The following MAST4 variants were observed in gnomAD, a reference collection of about 807,000 sequenced individuals.
MAST4 encodes microtubule associated serine/threonine kinase family member 4.
Under a neutral mutation model 162.7 loss-of-function variants are expected in MAST4, and 89 were observed. That is an observed-to-expected ratio of 0.55 (90% confidence interval 0.46 to 0.65). The LOEUF is 0.65. Ranked by LOEUF, MAST4 falls within the 30% of genes least tolerant of loss-of-function variation. MAST4 has a pLI of 0.00. For synonymous variants in MAST4, 1,479 were observed against 1,361.1 expected, an observed-to-expected ratio of 1.09 and a Z score of -1.91; for missense variants, 3,153 against 3,374.0, an observed-to-expected ratio of 0.93 and a Z score of 1.62.
chr5:66,821,894 GGGGA>G, intron 3 of MAST4, among the ~76,000 whole-genome samples: 1 of 152,134 alleles, frequency 6.6e-6, no homozygotes, highest in African/African-American at 2.4e-5. Context: ...GGAGGAAGAT[GGGGA>G]GGGTTGGGAG....
At chr5:66,678,842 A>C (rs529225087) in intron 1 of MAST4, among the ~76,000 whole-genome samples, 2 of 151,096 alleles carry the variant, frequency 1.3e-5, no homozygotes, top group African/African-American at 4.9e-5. Context: ...CCCAGGCTAG[A>C]GTGCAGTGGC....
intron 5 of MAST4, among the ~76,000 whole-genome samples, chr5:67,054,853 T>C (rs1179851310): frequency 6.6e-6 from 1 of 152,208 alleles, no homozygotes; most frequent in Admixed American, 6.5e-5. Flanking sequence ...AGCATATTTC[T>C]CCCTAAAATT....
Position 67,166,495 on chromosome 5 carries a change from G to A in MAST4, c.7316G>A (p.Arg2439Gln), listed in dbSNP as rs1427059211. 4 of 1,605,334 alleles carry A rather than the reference G, an allele frequency of 2.5e-6. No individual in the cohort carries two copies. Among genetic ancestry groups the A allele is most frequent in the South Asian group, 2.2e-5 (2 of 89,416 alleles). The change falls in exon 29 of 29, where the codon CGG (arginine) becomes CAG (glutamine). Residue 2439 changes from arginine to glutamine, a missense_variant. By Grantham distance (43) the Arg-to-Gln change is conservative. Transcript: ENST00000403625. ...GCAGACAAGCCCAATGGCATGAAAC[G>A]GTCCCCCTCAGCCACTGGGCAGAGT... ...TEADKPNGMK[R>Q]SPSATGQSSF... is the part of the protein sequence containing the mutation.
chr5:66,867,586 CT>C (rs1384902610), intron 3 of MAST4, among the ~76,000 whole-genome samples: 2 of 152,222 alleles, frequency 1.3e-5, no homozygotes, highest in Non-Finnish European at 2.9e-5. Flanking sequence ...GTCAACTCTT[CT>C]TTTGTTAGTC....
At chr5:66,964,853 G>T (rs1466774919) in intron 4 of MAST4, among the ~76,000 whole-genome samples, 2 of 152,324 alleles carry the variant, frequency 1.3e-5, no homozygotes, top group East Asian at 3.9e-4. Context: ...ATCCGTTGAT[G>T]CAAAGGGCAA....
intron 4 of MAST4, among the ~76,000 whole-genome samples, chr5:67,032,743 G>T (rs1755507190): frequency 6.6e-6 from 1 of 152,088 alleles, no homozygotes; most frequent in Non-Finnish European, 1.5e-5. Flanking sequence ...TTAGGTAAAT[G>T]ATGAGAGGAT....
chr5:66,806,339 C>T (rs1338482501), intron 3 of MAST4, among the ~76,000 whole-genome samples: 21 of 152,222 alleles, frequency 1.4e-4, no homozygotes. Flanking sequence ...ATGAAGTTAA[C>T]TAGATGCAGC....
chr5:66,713,684 C>T (rs541058503), intron 1 of MAST4, among the ~76,000 whole-genome samples: 1 of 151,954 alleles, frequency 6.6e-6, no homozygotes, highest in Non-Finnish European at 1.5e-5. Context: ...GTAATATGCC[C>T]TCTTGTGGGG....
At chr5:67,037,929 T>G (rs1756224717) in intron 4 of MAST4, among the ~76,000 whole-genome samples, 1 of 152,118 alleles carries the variant, frequency 6.6e-6, no homozygotes, top group Non-Finnish European at 1.5e-5. Context: ...TTCTGGTGTT[T>G]GCCTGATACA....
intron 1 of MAST4, among the ~76,000 whole-genome samples, chr5:66,677,850 G>A (rs1748053988): frequency 3.3e-5 from 5 of 152,084 alleles, no homozygotes; most frequent in East Asian, 3.9e-4. Context: ...TGAACTTTAG[G>A]GCAGGGTTCT....
chr5:66,703,244 A>G (rs1464238429), intron 1 of MAST4, among the ~76,000 whole-genome samples: 1 of 152,164 alleles, frequency 6.6e-6, no homozygotes, highest in African/African-American at 2.4e-5. Context: ...CGGGAAGAAG[A>G]TGACGCTGAC....
At chr5:67,051,105 A>G (rs761559442) in intron 4 of MAST4, among the ~76,000 whole-genome samples, 14 of 152,048 alleles carry the variant, frequency 9.2e-5, no homozygotes, top group Non-Finnish European at 1.6e-4. Flanking sequence ...TATAAAAAAG[A>G]TATTTCTGCT....
intron 4 of MAST4, among the ~76,000 whole-genome samples, chr5:66,999,538 G>C (rs1240493483): frequency 6.6e-6 from 1 of 152,188 alleles, no homozygotes; most frequent in African/African-American, 2.4e-5. Flanking sequence ...GAATGCCTGA[G>C]AAAGACCTTG....
intron 3 of MAST4, among the ~76,000 whole-genome samples, chr5:66,796,842 C>G (rs1454306054): frequency 6.6e-6 from 1 of 152,130 alleles, no homozygotes; most frequent in Non-Finnish European, 1.5e-5. Flanking sequence ...TGTCCTATTC[C>G]TTACTGTATC....
At chr5:66,979,693 C>A (rs1190159546) in intron 4 of MAST4, among the ~76,000 whole-genome samples, 2 of 152,190 alleles carry the variant, frequency 1.3e-5, no homozygotes, top group Admixed American at 1.3e-4. Context: ...TTTTGAGGTC[C>A]TTTTCACACT....
chr5:67,131,637 C>G (rs1433158425), intron 15 of MAST4, among the ~76,000 whole-genome samples, 176 bp from the exon 16 acceptor site: 1 of 152,178 alleles, frequency 6.6e-6, no homozygotes, highest in East Asian at 1.9e-4. Context: ...TCTGTATTTT[C>G]TCCATACTGT....
intron 5 of MAST4, among the ~76,000 whole-genome samples, chr5:67,087,683 C>T (rs1763396835): frequency 6.6e-6 from 1 of 152,196 alleles, no homozygotes; most frequent in African/African-American, 2.4e-5. Flanking sequence ...CACTCATTTT[C>T]TCTAATATCC....
At chr5:66,609,808 G>A (rs983816729) in intron 1 of MAST4, among the ~76,000 whole-genome samples, 23 of 149,790 alleles carry the variant, frequency 1.5e-4, no homozygotes, top group African/African-American at 5.6e-4. Flanking sequence ...AAGTCAGTTT[G>A]GAACTTGGAG....
chr5:66,777,121 T>C (rs1754640637), intron 2 of MAST4, among the ~76,000 whole-genome samples: 1 of 152,216 alleles, frequency 6.6e-6, no homozygotes. Context: ...TCCGGGACTC[T>C]CTAGCTAATA....
Sources: allele counts gnomAD v4.1 joint callset (sites outside exome capture counted in the v4.1 genomes callset), GRCh38; gene constraint gnomAD v4.1.1; transcripts MANE v1.5; gene names NCBI Gene and HGNC (gene_info 2026-07-23, HGNC 2026-07-21).